Variants in ESR1 observed in about 807,000 individuals in gnomAD.
ESR1 encodes estrogen receptor.
Under a neutral mutation model 52.7 loss-of-function variants are expected in ESR1, and 12 were observed. The observed-to-expected ratio is 0.23, with a 90% confidence interval of 0.15 to 0.37. The LOEUF (loss-of-function observed/expected upper bound fraction) is 0.37, where lower values mean the gene tolerates loss of function less well. Among genes scored for constraint, ESR1 ranks in the 10% least tolerant of loss-of-function variants. ESR1 has a pLI of 1.00. For synonymous variants in ESR1, 305 were observed against 316.8 expected, an observed-to-expected ratio of 0.96 and a Z score of 0.39; for missense variants, 584 against 779.7, an observed-to-expected ratio of 0.75 and a Z score of 2.99.
At chr6:151,746,723 A>T (rs1783509860) in intron 2 of ESR1, among the ~76,000 whole-genome samples, 1 of 152,230 alleles carries the variant, frequency 6.6e-6, no homozygotes, top group South Asian at 2.1e-4. Context: ...ATACTATGTC[A>T]CAACTCTTTT....
intron 3 of ESR1, among the ~76,000 whole-genome samples, chr6:151,924,332 C>T (rs1039853563): frequency 2.0e-5 from 3 of 152,186 alleles, no homozygotes; most frequent in East Asian, 1.9e-4. Flanking sequence ...TAAGCCACGG[C>T]GTCCGGCCTG....
intron 5 of ESR1, among the ~76,000 whole-genome samples, chr6:152,016,195 GCCT>G (rs1457588993): frequency 2.6e-5 from 4 of 151,980 alleles, no homozygotes; most frequent in African/African-American, 4.8e-5. Flanking sequence ...TGATTATGAG[GCCT>G]CCTCAGCCAT....
chr6:152,005,323 ATGT>A (rs1232178533), intron 4 of ESR1, among the ~76,000 whole-genome samples: 16 of 152,014 alleles, frequency 1.1e-4, no homozygotes, highest in African/African-American at 3.6e-4. Context: ...ATCATGAAAA[ATGT>A]TGTTTTTATA....
chr6:151,857,568 G>A (rs115521917), intron 2 of ESR1, among the ~76,000 whole-genome samples: 2,691 of 151,294 alleles, frequency 0.018, 76 homozygotes, highest in African/African-American at 0.062. Flanking sequence ...TCGCTCTGTC[G>A]CCCAAGCTGG....
chr6:151,972,518 G>A (rs1196954782), intron 4 of ESR1, among the ~76,000 whole-genome samples: 1 of 152,134 alleles, frequency 6.6e-6, no homozygotes, highest in East Asian at 1.9e-4. Context: ...CAATAAATGT[G>A]ATACACCACA....
intron 3 of ESR1, among the ~76,000 whole-genome samples, chr6:151,901,138 G>C (rs954879776): frequency 6.6e-6 from 1 of 152,144 alleles, no homozygotes; most frequent in Non-Finnish European, 1.5e-5. Flanking sequence ...TGGGGCAGGG[G>C]GGTGAGGTTC....
In ESR1 at chr6:152,061,199, C is replaced by T. The variant is rs2128959356; in HGVS notation, c.1369+75C>T. 7.0e-7 allele frequency: 1 copy of T among 1,421,064 alleles called. No individual in the cohort carries two copies. Among genetic ancestry groups the T allele is most frequent in the Non-Finnish European group, 9.9e-7 (1 of 1,008,168 alleles). The allele number at this position is 1,421,064 out of a possible 1,614,324, so 88.0% of individuals were successfully genotyped here. The stretch of plus-strand genomic sequence containing the variant: ...TAGTTTTCAACCAGATACGATCTAC[C>T]CACTCCAAAGGCATAATGTCATAAA... On this transcript the variant is annotated intron_variant, in intron 6 of 7. Coordinates refer to ENST00000206249, the MANE Select transcript of ESR1 (RefSeq NM_000125.4). The surrounding 1 kb of genome is among the most constrained non-coding windows in gnomAD (Gnocchi z 4.3).
chr6:151,932,917 G>T (rs1584311209), intron 3 of ESR1, among the ~76,000 whole-genome samples: 1 of 150,080 alleles, frequency 6.7e-6, no homozygotes, highest in African/African-American at 2.4e-5. Context: ...TTTTGGCTTA[G>T]GATTGACTTG....
intron 2 of ESR1, among the ~76,000 whole-genome samples, chr6:151,739,561 C>T (rs919197408): frequency 6.6e-6 from 1 of 152,198 alleles, no homozygotes; most frequent in Non-Finnish European, 1.5e-5. Context: ...TTTTCAAAGT[C>T]CTGTGTGTAA....
intron 2 of ESR1, among the ~76,000 whole-genome samples, chr6:151,878,347 T>C (rs1488010729): frequency 6.6e-6 from 1 of 152,240 alleles, no homozygotes. Flanking sequence ...AATCCGTGTG[T>C]GGTCTTTTAC....
intron 1 of ESR1, among the ~76,000 whole-genome samples, chr6:151,675,046 A>G (rs1778204898): frequency 6.6e-6 from 1 of 152,376 alleles, no homozygotes; most frequent in Admixed American, 6.5e-5. Context: ...AGGCCATTTA[A>G]AAATATATAA....
intron 5 of ESR1, among the ~76,000 whole-genome samples, chr6:152,023,428 A>G: frequency 6.6e-6 from 1 of 152,194 alleles, no homozygotes; most frequent in East Asian, 1.9e-4. Context: ...ATCTCATTTC[A>G]TTTTGTCCTT....
Position 152,094,796 on chromosome 6 carries a change from C to T in ESR1, c.1553+228C>T, listed in dbSNP as rs577910564. ...GAAGGCATAGAGGAAGCGATACTTA[C>T]GCTTGGTTTAAAGCATGTGCTTTGG... is the stretch of plus-strand genomic sequence containing the variant. On this transcript the variant is annotated intron_variant, in intron 7 of 7. Transcript: ENST00000206249. This position sits in a 1 kb window ranked among gnomAD's most constrained non-coding sequence, Gnocchi z 4.6. Among the ~76,000 whole-genome samples, 2 of 152,272 alleles carry T rather than the reference C, an allele frequency of 1.3e-5. No individual in the cohort carries two copies. The highest frequency in any genetic ancestry group is 6.5e-5 in the Admixed American group (1 of 15,310).
In ESR1 at chr6:152,061,786, G is replaced by T. The variant is rs1456716653; in HGVS notation, c.1369+662G>T. On this transcript the variant is annotated intron_variant, in intron 6 of 7. Coordinates refer to ENST00000206249, the MANE Select transcript of ESR1 (RefSeq NM_000125.4). The surrounding 1 kb of genome is among the most constrained non-coding windows in gnomAD (Gnocchi z 4.3). ...TTGTTTTTGTTTTCAATGTAGTGAG[G>T]CTGGCTGTTGTATAAAGAGTTACTC... Among the ~76,000 whole-genome samples the T allele has an allele frequency of 6.6e-6, 1 of 152,062 alleles. No homozygotes were observed. Among genetic ancestry groups the T allele is most frequent in the Admixed American group, 6.5e-5 (1 of 15,274 alleles).
rs545127934 is a variant in ESR1 at position 152,053,364 on chromosome 6, T to G, written c.1236-7627T>G. On this transcript the variant is annotated intron_variant, in intron 5 of 7. Coordinates refer to ENST00000206249, the MANE Select transcript of ESR1 (RefSeq NM_000125.4). This position sits in a 1 kb window ranked among gnomAD's most constrained non-coding sequence, Gnocchi z 4.1. ...TTGTCCTATCACGCTGGATATGCTG[T>G]TGCTCCCAAATTGCCTCCCTCTGCC... Among the ~76,000 whole-genome samples, 3 of 152,282 alleles carry G rather than the reference T, an allele frequency of 2.0e-5. No homozygotes were observed. Among genetic ancestry groups the G allele is most frequent in the African/African-American group, 7.2e-5 (3 of 41,562 alleles).
intron 2 of ESR1, among the ~76,000 whole-genome samples, chr6:151,769,667 G>C (rs1441746412): frequency 1.3e-5 from 2 of 152,212 alleles, no homozygotes; most frequent in East Asian, 3.9e-4. Flanking sequence ...TAGATCATGT[G>C]TTCAGTCTGG....
chr6:151,806,557 T>TATATACAC (rs1554259008), upstream of ESR1, among the ~76,000 whole-genome samples: 24 of 133,788 alleles, frequency 1.8e-4, no homozygotes, highest in African/African-American at 5.9e-4. Context: ...TATATATATA[T>TATATACAC]ACACATATAT....
intron 1 of ESR1, among the ~76,000 whole-genome samples, chr6:151,810,783 A>C (rs1778696037): frequency 6.6e-6 from 1 of 152,242 alleles, no homozygotes; most frequent in African/African-American, 2.4e-5. Flanking sequence ...TGTAAAATGT[A>C]TTTCTTACTG....
At chr6:151,827,189 G>T (rs375429112) in intron 1 of ESR1, among the ~76,000 whole-genome samples, 1 of 151,942 alleles carries the variant, frequency 6.6e-6, no homozygotes, top group Non-Finnish European at 1.5e-5. Flanking sequence ...TTAGCCAGAT[G>T]TGGTAGCATG....
Sources: gnomAD v4.1 joint callset for allele counts (sites outside exome capture counted in the v4.1 genomes callset) on GRCh38, gnomAD v4.1.1 for gene constraint, Gnocchi (gnomAD v3.1) non-coding constraint, MANE v1.5 for transcripts, NCBI Gene and HGNC (gene_info 2026-07-23, HGNC 2026-07-21) for gene names.